The following SLC35F4 variants were observed in gnomAD, a reference collection of about 807,000 sequenced individuals.
SLC35F4 encodes solute carrier family 35 member F4, also known as chromosome 14 open reading frame 36.
Under a neutral mutation model 44.2 loss-of-function variants are expected in SLC35F4, and 24 were observed. The observed-to-expected ratio is 0.54, with a 90% CI of 0.39 to 0.76. SLC35F4 has a LOEUF of 0.76. Ranked by LOEUF, SLC35F4 falls within the 30% of genes least tolerant of loss-of-function variation. The pLI, the probability that SLC35F4 is intolerant of heterozygous loss-of-function variation, is 0.00. For synonymous variants in SLC35F4, 238 were observed against 223.6 expected (o/e 1.06, Z -0.57); for missense variants, 562 against 586.1 (o/e 0.96, Z 0.42).
chr14:57,590,509 A>G (rs577211617), intron 2 of SLC35F4, among the ~76,000 whole-genome samples: 26 of 152,344 alleles, frequency 1.7e-4, no homozygotes, highest in African/African-American at 4.1e-4. Flanking sequence ...TGGGAGCACA[A>G]TAAATTCTGC....
intron 1 of SLC35F4, among the ~76,000 whole-genome samples, chr14:57,932,805 T>C (rs1356630220): frequency 1.3e-5 from 2 of 151,962 alleles, no homozygotes; most frequent in Admixed American, 1.3e-4. Flanking sequence ...GCCGAGGTCA[T>C]ACCACTGCAC....
At chr14:57,575,988 T>TATC (rs1391203024) in intron 4 of SLC35F4, among the ~76,000 whole-genome samples, 2 of 92,100 alleles carry the variant, frequency 2.2e-5, no homozygotes, top group African/African-American at 6.5e-5. Context: ...TTCTTGTATC[T>TATC]TTTTTTTTTC....
intron 1 of SLC35F4, among the ~76,000 whole-genome samples, chr14:57,882,736 A>T (rs1445395593): frequency 6.6e-6 from 1 of 152,208 alleles, no homozygotes; most frequent in Non-Finnish European, 1.5e-5. Context: ...CATAGGTTTG[A>T]ATCAGGTGAA....
chr14:57,871,024 G>A (rs546393011), upstream of SLC35F4, among the ~76,000 whole-genome samples: 4 of 152,316 alleles, frequency 2.6e-5, no homozygotes, highest in South Asian at 6.2e-4. Flanking sequence ...GAAAGGGACC[G>A]AGGCTGTTAA....
At chr14:57,762,080 C>T (rs896894747) in intron 1 of SLC35F4, among the ~76,000 whole-genome samples, 3 of 152,090 alleles carry the variant, frequency 2.0e-5, no homozygotes, top group Admixed American at 1.3e-4. Context: ...CAAACCAGGG[C>T]TACTTTTTTA....
At chr14:57,896,639 G>A (rs1209169979) in intron 1 of SLC35F4, among the ~76,000 whole-genome samples, 1 of 152,062 alleles carries the variant, frequency 6.6e-6, no homozygotes, top group Non-Finnish European at 1.5e-5. Flanking sequence ...ATTGTTGGTG[G>A]GCTGGCCTAA....
At chr14:57,871,613 G>A (rs1024874132) in intron 1 of SLC35F4, among the ~76,000 whole-genome samples, 3 of 152,140 alleles carry the variant, frequency 2.0e-5, no homozygotes, top group African/African-American at 4.8e-5. Context: ...TGCCAACCCT[G>A]CTGTGGTAGT....
chr14:57,607,150 A>G (rs2071209561), intron 1 of SLC35F4, among the ~76,000 whole-genome samples: 1 of 152,226 alleles, frequency 6.6e-6, no homozygotes, highest in African/African-American at 2.4e-5. Context: ...AATGGTCCAC[A>G]AGTATCTTCT....
At chr14:57,893,601 T>C (rs964774464) in intron 1 of SLC35F4, among the ~76,000 whole-genome samples, 2 of 152,140 alleles carry the variant, frequency 1.3e-5, no homozygotes, top group Non-Finnish European at 2.9e-5. Flanking sequence ...CAAGACAACA[T>C]GTGGGCAACT....
chr14:57,645,969 A>C, intron 1 of SLC35F4, among the ~76,000 whole-genome samples: 1 of 152,190 alleles, frequency 6.6e-6, no homozygotes, highest in East Asian at 1.9e-4. Flanking sequence ...CCCAGGGATG[A>C]AGCCCACTTG....
At chr14:57,975,714 G>A (rs189618744), downstream of SLC35F4, among the ~76,000 whole-genome samples, 9 of 152,158 alleles carry the variant, frequency 5.9e-5, no homozygotes, top group East Asian at 3.8e-4. Flanking sequence ...AGAATGCACC[G>A]CAGAGAGGAG....
intron 2 of SLC35F4, among the ~76,000 whole-genome samples, chr14:57,592,261 T>C (rs1161468209): frequency 6.6e-6 from 1 of 152,234 alleles, no homozygotes; most frequent in African/African-American, 2.4e-5. Context: ...GAGTACATTT[T>C]TAAATTCCTT....
At chr14:57,586,744 A>AAAAAAAAAAAAAAAAAAAAAAAAAAC (rs2069763153) in intron 3 of SLC35F4, among the ~76,000 whole-genome samples, 1 of 145,854 alleles carries the variant, frequency 6.9e-6, no homozygotes, top group Non-Finnish European at 1.5e-5. Context: ...AAAAAAAAAA[A>AAAAAAAAAAAAAAAAAAAAAAAAAAC]AAAGACTTCA....
intron 3 of SLC35F4, among the ~76,000 whole-genome samples, chr14:57,588,422 C>CAA (rs2069934584): frequency 5.9e-5 from 9 of 151,928 alleles, no homozygotes; most frequent in Admixed American, 5.2e-4. Context: ...TCAGGCTTTT[C>CAA]CTCTTCATGG....
chr14:57,622,090 G>C (rs1253149584), intron 1 of SLC35F4, among the ~76,000 whole-genome samples: 1 of 144,596 alleles, frequency 6.9e-6, no homozygotes, highest in Non-Finnish European at 1.5e-5. Context: ...CTGGCCATCA[G>C]AGAAATGCAA....
At chr14:57,743,045 C>G (rs571115484) in intron 1 of SLC35F4, among the ~76,000 whole-genome samples, 2 of 152,110 alleles carry the variant, frequency 1.3e-5, no homozygotes, top group Non-Finnish European at 2.9e-5. Flanking sequence ...ACACAACATA[C>G]CAGAATCTCT....
chr14:57,776,665 C>CAAAAAAAAAAAAAAAAAAAAAA (rs57272978), intron 1 of SLC35F4, among the ~76,000 whole-genome samples: 3 of 72,072 alleles, frequency 4.2e-5, no homozygotes, highest in African/African-American at 1.4e-4. Flanking sequence ...GACTCCATCT[C>CAAAAAAAAAAAAAAAAAAAAAA]AAAAAAAAAA....
intron 1 of SLC35F4, chr14:57,596,802 C>T (rs2070519366): frequency 1.5e-6 from 2 of 1,367,674 alleles, no homozygotes; most frequent in Non-Finnish European, 2.0e-6. Flanking sequence ...TCCATACCTC[C>T]TGTTCCTTAT....
intron 1 of SLC35F4, among the ~76,000 whole-genome samples, chr14:57,632,322 G>C (rs1253695083): frequency 6.6e-6 from 1 of 151,838 alleles, no homozygotes; most frequent in African/African-American, 2.4e-5. Context: ...ACAGGACCCA[G>C]CTTATTTTAT....
Sources: gnomAD v4.1 joint callset for allele counts (sites outside exome capture counted in the v4.1 genomes callset) on GRCh38, gnomAD v4.1.1 for gene constraint, MANE v1.5 for transcripts, NCBI Gene and HGNC (gene_info 2026-07-23, HGNC 2026-07-21) for gene names.